The following KIFC3 variants were observed in gnomAD, a reference collection of about 807,000 sequenced individuals.
KIFC3 encodes kinesin-like protein KIFC3.
In KIFC3, 60 loss-of-function variants were observed where a neutral mutation model predicts 101.8. The observed-to-expected ratio is 0.59, with a 90% CI of 0.48 to 0.73. KIFC3 has a LOEUF of 0.73. Ranked by LOEUF, KIFC3 falls within the 30% of genes least tolerant of loss-of-function variation. The pLI is 0.00. For missense variants in KIFC3, 966 were observed against 1,137.1 expected (o/e 0.85, Z 2.16); for synonymous variants, 476 against 482.7 (o/e 0.99, Z 0.18).
At chr16:57,794,328 C>T (rs7201371) in intron 3 of KIFC3, among the ~76,000 whole-genome samples, 84,405 of 151,292 alleles carry the variant, frequency 0.56, 26,202 homozygotes, top group Non-Finnish European at 0.7. Context: ...TGGGCTCAAG[C>T]GATCCTCCCA....
intron 2 of KIFC3, among the ~76,000 whole-genome samples, chr16:57,796,327 T>C (rs1427855880): frequency 6.6e-6 from 1 of 152,202 alleles, no homozygotes; most frequent in African/African-American, 2.4e-5. Flanking sequence ...GGGCCCACAG[T>C]ACAGGCCAAT....
At chr16:57,793,245 C>T (rs1192637195) in intron 3 of KIFC3, among the ~76,000 whole-genome samples, 1 of 151,086 alleles carries the variant, frequency 6.6e-6, no homozygotes, top group African/African-American at 2.4e-5. Context: ...GCAATCATGC[C>T]ACTGCACTCC....
At chr16:57,847,928 G>A (rs1396423316) in intron 1 of KIFC3, among the ~76,000 whole-genome samples, 3 of 151,802 alleles carry the variant, frequency 2.0e-5, no homozygotes, top group Admixed American at 2.0e-4. Flanking sequence ...TGGGGACACA[G>A]GCGCACCCCA....
intron 1 of KIFC3, among the ~76,000 whole-genome samples, chr16:57,812,689 A>G (rs2055117495): frequency 6.6e-6 from 1 of 152,196 alleles, no homozygotes; most frequent in Admixed American, 6.5e-5. Context: ...GGGTGAGATG[A>G]GGTGTTGCTC....
chr16:57,828,986 T>C (rs2055519149), intron 1 of KIFC3, among the ~76,000 whole-genome samples: 1 of 152,130 alleles, frequency 6.6e-6, no homozygotes, highest in Non-Finnish European at 1.5e-5. Context: ...AAAAAGTCAG[T>C]CAGCTCACTC....
At chr16:57,816,521 G>C (rs576077815) in intron 1 of KIFC3, 1 of 456,704 alleles carries the variant, frequency 2.2e-6, no homozygotes, top group Non-Finnish European at 4.4e-6. Context: ...CCTTGTCTGC[G>C]CCTTACAAAA....
intron 1 of KIFC3, among the ~76,000 whole-genome samples, chr16:57,844,791 T>G (rs530857001): frequency 6.6e-6 from 1 of 152,320 alleles, no homozygotes; most frequent in Non-Finnish European, 1.5e-5. Flanking sequence ...CACAGCAGCC[T>G]GTGCCCTGGA....
intron 11 of KIFC3, 114 bp from the exon 12 acceptor site, chr16:57,764,361 C>CGA (rs1281065478): frequency 3.1e-6 from 2 of 641,674 alleles, no homozygotes; most frequent in Non-Finnish European, 5.6e-6. Flanking sequence ...CACCACATCA[C>CGA]GTGTTACTGC....
intron 13 of KIFC3, among the ~76,000 whole-genome samples, chr16:57,761,848 C>A (rs894305633): frequency 2.0e-5 from 3 of 152,188 alleles, no homozygotes; most frequent in Non-Finnish European, 4.4e-5. Flanking sequence ...CCCCCCAGAA[C>A]CATCCAACCC....
chr16:57,769,472 T>G lies in KIFC3; in HGVS notation c.1218+123A>C. ...GGGCAGCAGTAAGTGTCATGGGGGG[T>G]GGGGCAGGGGCTGCTGTCTGAGCGG... On this transcript the variant is annotated intron_variant, in intron 9 of 19. Coordinates refer to ENST00000445690, the MANE Select transcript of KIFC3 (RefSeq NM_001130100.2). The surrounding 1 kb of genome is among the most constrained non-coding windows in gnomAD (Gnocchi z 4.3). 21 of 1,224,252 alleles carry G rather than the reference T, an allele frequency of 1.7e-5. No individual in the cohort carries two copies. The highest frequency in any genetic ancestry group is 1.1e-5 in the Non-Finnish European group (10 of 889,894). 75.8% of individuals were successfully genotyped at this position (1,224,252 alleles called of 1,614,324 possible).
At chr16:57,855,407 G>A (rs2056145933) in intron 1 of KIFC3, among the ~76,000 whole-genome samples, 1 of 151,878 alleles carries the variant, frequency 6.6e-6, no homozygotes, top group African/African-American at 2.4e-5. Context: ...TTACAGGCAT[G>A]AGCCACCGCA....
chr16:57,764,019 G>C (rs2050167093), intron 12 of KIFC3, 124 bp downstream of exon 12: 2 of 736,104 alleles, frequency 2.7e-6, no homozygotes, highest in Admixed American at 4.1e-5. Context: ...TACAGCCTCT[G>C]CTCCTGGGTT....
intron 2 of KIFC3, 25 bp downstream of exon 2, chr16:57,798,047 A>G (rs1443977714): frequency 3.8e-6 from 6 of 1,580,420 alleles, no homozygotes; most frequent in Non-Finnish European, 5.2e-6. Context: ...GGAAATAAAG[A>G]GGCATTTTAA....
chr16:57,824,235 G>A (rs1377049052), intron 1 of KIFC3, among the ~76,000 whole-genome samples: 1 of 152,200 alleles, frequency 6.6e-6, no homozygotes, highest in Non-Finnish European at 1.5e-5. Context: ...GTCCAGTGAG[G>A]CTCCCTGCCT....
rs2050854616 is a variant in KIFC3 at position 57,769,230 on chromosome 16, T to G, written c.1218+365A>C. The stretch of plus-strand genomic sequence containing the variant: ...TTTGTAATTTTAGTAGAGACGAAGT[T>G]TCGCCTTGTTGGCCAGGCTGGTCTC... On this transcript the variant is annotated intron_variant, in intron 9 of 19. Transcript: ENST00000445690. This position sits in a 1 kb window ranked among gnomAD's most constrained non-coding sequence, Gnocchi z 4.3. Among the ~76,000 whole-genome samples the G allele has an allele frequency of 6.6e-6, 1 of 152,116 alleles. No individual in the cohort carries two copies. Among genetic ancestry groups the G allele is most frequent in the African/African-American group, 2.4e-5 (1 of 41,404 alleles).
intron 3 of KIFC3, chr16:57,775,955 G>A (rs2052007422): frequency 2.0e-6 from 2 of 985,526 alleles, no homozygotes; most frequent in Non-Finnish European, 2.4e-6. Flanking sequence ...TCAAGGGGAA[G>A]AGGGAGCTGG....
At chr16:57,767,183 C>T (rs111485179) in intron 9 of KIFC3, among the ~76,000 whole-genome samples, 198 bp from the exon 10 acceptor site, 3 of 152,330 alleles carry the variant, frequency 2.0e-5, no homozygotes, top group African/African-American at 7.2e-5. Context: ...TGAAACTGAG[C>T]CGCAGACACT....
At chr16:57,807,324 A>G (rs1218950105), upstream of KIFC3, among the ~76,000 whole-genome samples, 1 of 151,994 alleles carries the variant, frequency 6.6e-6, no homozygotes, top group Non-Finnish European at 1.5e-5. Flanking sequence ...CATGTCACCA[A>G]CTGCAGGTCT....
chr16:57,761,400 C>A lies in KIFC3; in HGVS notation c.1872+13G>T. 1.2e-6 allele frequency: 2 copies of A among 1,613,900 alleles called. No homozygotes were observed. Among genetic ancestry groups the A allele is most frequent in the South Asian group, 1.1e-5 (1 of 91,074 alleles). ...AGCAGTGTGGCTGTGGTCAGGGGCT[C>A]CCGCCTCCACACCTTGTTGATGTCG... On this transcript the variant is annotated intron_variant, in intron 14 of 19. Transcript: ENST00000445690.
Sources: gnomAD v4.1 joint callset for allele counts (sites outside exome capture counted in the v4.1 genomes callset) on GRCh38, gnomAD v4.1.1 for gene constraint, Gnocchi (gnomAD v3.1) non-coding constraint, MANE v1.5 for transcripts, NCBI Gene and HGNC (gene_info 2026-07-23, HGNC 2026-07-21) for gene names.